The following SORBS2 variants were observed in gnomAD, a reference collection of about 807,000 sequenced individuals.
SORBS2 encodes the protein sorbin and SH3 domain containing 2.
A neutral mutation model predicts 97.7 loss-of-function variants in SORBS2; 46 were observed. The observed-to-expected ratio is 0.47, with a 90% CI of 0.37 to 0.60. The LOEUF (loss-of-function observed/expected upper bound fraction) is 0.60, where lower values mean the gene tolerates loss of function less well. SORBS2 is among the 20% of genes least tolerant of loss of function. The probability of loss-of-function intolerance (pLI) is 0.00; values close to 1 mark genes in which losing one functional copy is unlikely to be tolerated. For missense variants in SORBS2, 1,316 were observed against 1,282.3 expected (o/e 1.03, Z -0.40); for synonymous variants, 476 against 473.4 (o/e 1.01, Z -0.07).
At chr4:185,806,715 C>T (rs1219369655) in intron 1 of SORBS2, among the ~76,000 whole-genome samples, 1 of 152,056 alleles carries the variant, frequency 6.6e-6, no homozygotes, top group African/African-American at 2.4e-5. Flanking sequence ...GCCTCGGCCT[C>T]CCAAAGTGCT....
At chr4:185,941,952 C>T (rs1166718669) in intron 1 of SORBS2, among the ~76,000 whole-genome samples, 2 of 152,048 alleles carry the variant, frequency 1.3e-5, no homozygotes, top group African/African-American at 2.4e-5. Context: ...CCCATCTCTA[C>T]TAAAAATACA....
At chr4:185,630,979 GGTTTGAT>G (rs1252700846) in intron 4 of SORBS2, among the ~76,000 whole-genome samples, 2 of 152,126 alleles carry the variant, frequency 1.3e-5, no homozygotes, top group Non-Finnish European at 2.9e-5. Flanking sequence ...AGAAAGGAAT[GGTTTGAT>G]GTTTTAAAAA....
chr4:185,926,980 G>A (rs905434363), intron 1 of SORBS2, among the ~76,000 whole-genome samples: 4 of 151,414 alleles, frequency 2.6e-5, no homozygotes, highest in African/African-American at 7.3e-5. Context: ...AGGATTTTAC[G>A]GTTCTTTACT....
chr4:185,925,553 T>C lies in SORBS2; in HGVS notation c.-338+30643A>G, dbSNP rs530503942. ...GTGTCATAGTCGCATATTCAAAATA[T>C]GTATGAGACGCGTATATTTGTTCAT... On this transcript the variant is annotated intron_variant, in intron 1 of 20. Transcript: ENST00000284776. 3.9e-5 allele frequency among the ~76,000 whole-genome samples: 6 copies of C among 152,350 alleles called. No homozygotes were observed. The South Asian group carries it at 1.0e-3, about 26-fold the overall frequency.
intron 1 of SORBS2, among the ~76,000 whole-genome samples, chr4:185,799,101 G>A (rs1035056871): frequency 5.9e-5 from 9 of 152,156 alleles, no homozygotes; most frequent in Non-Finnish European, 1.2e-4. Context: ...TGGATATAGG[G>A]AAGGAGACTT....
intron 1 of SORBS2, among the ~76,000 whole-genome samples, chr4:185,887,081 G>A (rs1031538730): frequency 6.6e-6 from 1 of 152,184 alleles, no homozygotes; most frequent in African/African-American, 2.4e-5. Context: ...AAACAGCCTG[G>A]GCAGCTGTCT....
chr4:185,637,863 C>T (rs2097048761), intron 4 of SORBS2, among the ~76,000 whole-genome samples: 1 of 152,122 alleles, frequency 6.6e-6, no homozygotes, highest in African/African-American at 2.4e-5. Flanking sequence ...GTAAAGAAAT[C>T]TTAATGAATG....
intron 1 of SORBS2, among the ~76,000 whole-genome samples, chr4:185,904,548 G>A (rs2099249617): frequency 6.6e-6 from 1 of 152,210 alleles, no homozygotes; most frequent in Non-Finnish European, 1.5e-5. Flanking sequence ...GGAACAGGAA[G>A]AAAGTTCCTC....
chr4:185,946,413 C>G (rs1299059407), intron 1 of SORBS2, among the ~76,000 whole-genome samples: 1 of 152,070 alleles, frequency 6.6e-6, no homozygotes, highest in Non-Finnish European at 1.5e-5. Flanking sequence ...GAGCAACAAG[C>G]CTACAAATAT....
chr4:185,659,477 C>G (rs559361426), upstream of SORBS2, among the ~76,000 whole-genome samples: 24 of 152,044 alleles, frequency 1.6e-4, no homozygotes, highest in East Asian at 4.7e-3. Flanking sequence ...AGTGCAGTGG[C>G]GCGATCTCGG....
At chr4:185,663,032 A>C (rs2097543299) in intron 4 of SORBS2, among the ~76,000 whole-genome samples, 1 of 152,206 alleles carries the variant, frequency 6.6e-6, no homozygotes, top group Admixed American at 6.5e-5. Flanking sequence ...GTAGATGTTC[A>C]ATAGGTATCT....
intron 2 of SORBS2, among the ~76,000 whole-genome samples, chr4:185,745,869 G>C (rs369483383): frequency 6.6e-6 from 1 of 152,070 alleles, no homozygotes. Context: ...CTGCCATTTT[G>C]GCCTCTCTGA....
chr4:185,622,856 A>G (rs2096739708), intron 7 of SORBS2, 58 bp downstream of exon 19: 2 of 1,487,776 alleles, frequency 1.3e-6, no homozygotes, highest in African/African-American at 2.8e-5. Context: ...ATGGAAAATG[A>G]AAGAGCTGGA....
At chr4:185,791,528 T>C (rs1334504763) in intron 1 of SORBS2, among the ~76,000 whole-genome samples, 1 of 152,136 alleles carries the variant, frequency 6.6e-6, no homozygotes, top group African/African-American at 2.4e-5. Flanking sequence ...TGTACAGTGT[T>C]TATCATAAAC....
At chr4:185,802,577 C>T (rs2099135878) in intron 1 of SORBS2, among the ~76,000 whole-genome samples, 1 of 152,064 alleles carries the variant, frequency 6.6e-6, no homozygotes, top group Non-Finnish European at 1.5e-5. Flanking sequence ...AACATACTAA[C>T]AAATGGGACA....
chr4:185,890,177 G>A (rs918574681), intron 1 of SORBS2, among the ~76,000 whole-genome samples: 19 of 152,130 alleles, frequency 1.2e-4, no homozygotes, highest in Admixed American at 6.5e-4. Context: ...GTGAGCCACC[G>A]CACCTGGACC....
At chr4:185,731,866 C>CTATATA (rs544211866) in intron 2 of SORBS2, among the ~76,000 whole-genome samples, 18 of 24,676 alleles carry the variant, frequency 7.3e-4, no homozygotes, top group African/African-American at 8.8e-4. Flanking sequence ...CTCTCTCTCT[C>CTATATA]TATATATATA....
intron 1 of SORBS2, among the ~76,000 whole-genome samples, chr4:185,797,074 C>T (rs1180965968): frequency 6.6e-6 from 1 of 152,244 alleles, no homozygotes; most frequent in East Asian, 1.9e-4. Flanking sequence ...CTCAGAGGCT[C>T]CTCCACAAGC....
rs1172638213 is a variant in SORBS2, at chr4:185,787,724, A to G, written c.-337-12358T>C. ...ACTCTTGGGTTTTATGGCTAAATCC[A>G]GCAACGCAGATTGTGGGCGGGCAGG... is the stretch of plus-strand genomic sequence containing the variant. On this transcript the variant is annotated intron_variant, in intron 1 of 20. Coordinates refer to the SORBS2 transcript ENST00000284776. 2.0e-5 allele frequency among the ~76,000 whole-genome samples: 3 copies of G among 152,188 alleles called. No homozygotes were observed. The East Asian group carries it at 5.8e-4, about 29-fold the overall frequency.
Sources: allele counts gnomAD v4.1 joint callset (sites outside exome capture counted in the v4.1 genomes callset), GRCh38; gene constraint gnomAD v4.1.1; transcripts MANE v1.5; gene names NCBI Gene and HGNC (gene_info 2026-07-23, HGNC 2026-07-21).